AK7: variants seen among roughly 807,000 people sequenced by gnomAD.
AK7 encodes the protein ATP-AMP transphosphorylase 7.
Under a neutral mutation model 96.6 loss-of-function variants are expected in AK7, and 78 were observed. That is an observed-to-expected ratio of 0.81 (90% CI 0.67 to 0.97). AK7 has a LOEUF of 0.97. Among genes scored for constraint, AK7 ranks in the 50% least tolerant of loss-of-function variants. The pLI, the probability that AK7 is intolerant of heterozygous loss-of-function variation, is 0.00. For synonymous variants in AK7, 302 were observed against 317.2 expected, an observed-to-expected ratio of 0.95 and a Z score of 0.51; for missense variants, 855 against 887.9, an observed-to-expected ratio of 0.96 and a Z score of 0.47.
At chr14:96,484,784 C>A (rs1186244973) in intron 16 of AK7, among the ~76,000 whole-genome samples, 4 of 152,206 alleles carry the variant, frequency 2.6e-5, no homozygotes, top group African/African-American at 9.6e-5. Context: ...TTGTTTCTTG[C>A]CTTTTCTCTG....
rs529813258 is a variant in AK7 at position 96,488,390 on chromosome 14, CTTA to C, written c.*52_*54del. On this transcript the variant is annotated 3_prime_UTR_variant, in exon 18 of 18. Coordinates refer to ENST00000267584, the MANE Select transcript of AK7 (RefSeq NM_152327.5). ...TCTACCTTTACAGAACCACAGATCA[CTTA>C]TTATACTTTGAAAAATTGCTTTGAA... 3.6e-4 allele frequency: 551 copies of C among 1,513,686 alleles called. 3 individuals carry two copies. In the African/African-American group the frequency reaches 6.7e-3, roughly 18 times the overall value. The allele number at this position is 1,513,686 out of a possible 1,614,324, so 93.8% of individuals were successfully genotyped here.
chr14:96,487,511 C>A (rs1895844774), intron 17 of AK7, among the ~76,000 whole-genome samples: 1 of 147,312 alleles, frequency 6.8e-6, no homozygotes, highest in African/African-American at 2.5e-5. Flanking sequence ...CTCACTGCAA[C>A]CTCCACCTCC....
chr14:96,420,748 A>G, intron 4 of AK7, 74 bp from the exon 5 acceptor site: 1 of 1,050,544 alleles, frequency 9.5e-7, no homozygotes, highest in Non-Finnish European at 1.4e-6. Flanking sequence ...GCTTAAAGGA[A>G]CATATCTTTA....
intron 5 of AK7, 48 bp downstream of exon 5, chr14:96,420,980 A>C: frequency 3.0e-6 from 4 of 1,323,436 alleles, no homozygotes. Flanking sequence ...GTCTTTAAAC[A>C]TCTCTTTGTG....
chr14:96,413,923 A>G (rs968797486), intron 4 of AK7, among the ~76,000 whole-genome samples: 1 of 152,326 alleles, frequency 6.6e-6, no homozygotes, highest in East Asian at 1.9e-4. Context: ...GGGAGATTCT[A>G]TTCCCATTCC....
At chr14:96,481,653 C>A in intron 15 of AK7, among the ~76,000 whole-genome samples, 1 of 150,620 alleles carries the variant, frequency 6.6e-6, no homozygotes, top group Non-Finnish European at 1.5e-5. Context: ...GTGAGAAATG[C>A]ATTTAAATGT....
chr14:96,488,330 C>G lies in AK7; in HGVS notation c.2159C>G (p.Pro720Arg). 1 of 1,611,768 alleles carries G rather than the reference C, an allele frequency of 6.2e-7. No homozygotes were observed. The highest frequency in any genetic ancestry group is 8.5e-7 in the Non-Finnish European group (1 of 1,178,284). Residue 720 changes from proline to arginine, a missense_variant, in exon 18 of 18, where the codon CCT (proline) becomes CGT (arginine). Coordinates refer to ENST00000267584, the MANE Select transcript of AK7 (RefSeq NM_152327.5). ...GCAGAATATCTCTTCAAGAACAATCCTGAAGCACAGTGAAACTTGAAAGAT... is the reference window on the plus strand; with the variant it reads ...GCAGAATATCTCTTCAAGAACAATCGTGAAGCACAGTGAAACTTGAAAGAT... ...FLAEYLFKNN[P>R]EAQ
At chr14:96,423,759 T>G (rs1308623845) in intron 5 of AK7, 1 of 728,602 alleles carries the variant, frequency 1.4e-6, no homozygotes, top group Non-Finnish European at 2.6e-6. Flanking sequence ...TGGTAACACG[T>G]GCCGGCCACC....
chr14:96,466,080 T>TG (rs1457531245), intron 12 of AK7, among the ~76,000 whole-genome samples: 1 of 150,796 alleles, frequency 6.6e-6, no homozygotes, highest in Non-Finnish European at 1.5e-5. Flanking sequence ...GTTTTTTTGG[T>TG]GGGGGAGGTT....
chr14:96,428,543 T>A, intron 5 of AK7, among the ~76,000 whole-genome samples: 1 of 152,222 alleles, frequency 6.6e-6, no homozygotes. Flanking sequence ...CGCCACACTG[T>A]CTTCCACAAT....
intron 15 of AK7, 73 bp downstream of exon 15, chr14:96,478,735 T>A: frequency 6.7e-7 from 1 of 1,484,102 alleles, no homozygotes; most frequent in South Asian, 1.2e-5. Flanking sequence ...CTAGCTGTAA[T>A]TGTGGGGCTG....
chr14:96,437,730 T>C (rs924370227), intron 5 of AK7, 105 bp from the exon 6 acceptor site: 3 of 757,710 alleles, frequency 4.0e-6, no homozygotes, highest in Non-Finnish European at 6.4e-6. Context: ...CCTGCAAGAG[T>C]TGACGGAAGT....
intron 5 of AK7, among the ~76,000 whole-genome samples, chr14:96,422,559 A>G (rs932115111): frequency 2.6e-5 from 4 of 152,132 alleles, no homozygotes; most frequent in African/African-American, 9.7e-5. Context: ...CCATTCCCAG[A>G]GCTATGAACA....
At chr14:96,454,389 C>T (rs891688779) in intron 10 of AK7, among the ~76,000 whole-genome samples, 1 of 151,490 alleles carries the variant, frequency 6.6e-6, no homozygotes, top group Admixed American at 6.6e-5. Context: ...TGATTATGAA[C>T]ACCATAGGGC....
At chr14:96,426,834 C>T (rs1892055691) in intron 5 of AK7, among the ~76,000 whole-genome samples, 1 of 152,128 alleles carries the variant, frequency 6.6e-6, no homozygotes, top group Non-Finnish European at 1.5e-5. Flanking sequence ...CTTTTTGGAT[C>T]CTTTTTTAAT....
At chr14:96,433,283 T>C (rs1300429220) in intron 5 of AK7, among the ~76,000 whole-genome samples, 1 of 152,202 alleles carries the variant, frequency 6.6e-6, no homozygotes, top group African/African-American at 2.4e-5. Context: ...TTGGTTCCAT[T>C]CTCCTCATCA....
chr14:96,432,145 G>A (rs954539691), intron 5 of AK7, among the ~76,000 whole-genome samples: 2 of 149,382 alleles, frequency 1.3e-5, no homozygotes, highest in Admixed American at 6.7e-5. Context: ...CCTATGCTCC[G>A]TTGAATAGGA....
chr14:96,415,992 C>G (rs942622786), intron 4 of AK7, among the ~76,000 whole-genome samples: 32 of 152,078 alleles, frequency 2.1e-4, no homozygotes, highest in Middle Eastern at 3.2e-3. Flanking sequence ...TACTCCAGAA[C>G]AAGGGCCGAC....
intron 1 of AK7, among the ~76,000 whole-genome samples, chr14:96,397,109 G>A (rs1205613465): frequency 1.3e-5 from 2 of 152,074 alleles, no homozygotes; most frequent in Non-Finnish European, 2.9e-5. Context: ...AAAAAGAAAT[G>A]TCGCTAGTCC....
Sources: allele counts gnomAD v4.1 joint callset (sites outside exome capture counted in the v4.1 genomes callset), GRCh38; gene constraint gnomAD v4.1.1; transcripts MANE v1.5; gene names NCBI Gene and HGNC (gene_info 2026-07-23, HGNC 2026-07-21).